Variants in CMC1 observed in about 807,000 individuals in gnomAD.
CMC1 encodes COX assembly mitochondrial protein homolog.
A neutral mutation model predicts 14.1 loss-of-function variants in CMC1; 14 were observed. The ratio of observed to expected loss-of-function variants is 0.99; its 90% CI spans 0.66 to 1.55. CMC1 has a LOEUF of 1.55. Among genes scored for constraint, CMC1 ranks in the 40% most tolerant of loss-of-function variants. CMC1 has a pLI of 0.00. For synonymous variants in CMC1, 50 were observed against 38.4 expected, an observed-to-expected ratio of 1.30 and a Z score of -1.12; for missense variants, 127 against 123.8, an observed-to-expected ratio of 1.03 and a Z score of -0.12.
intron 2 of CMC1, among the ~76,000 whole-genome samples, chr3:28,271,618 A>C (rs1700296031): frequency 6.6e-6 from 1 of 152,144 alleles, no homozygotes; most frequent in South Asian, 2.1e-4. Flanking sequence ...TACAGTTTGA[A>C]GTCAGGTAGC....
At chr3:28,255,468 A>G (rs1487503809) in intron 1 of CMC1, among the ~76,000 whole-genome samples, 3 of 149,428 alleles carry the variant, frequency 2.0e-5, no homozygotes, top group African/African-American at 7.4e-5. Flanking sequence ...CTGGTCTTGA[A>G]CTCCTGGCCT....
Position 28,324,415 on chromosome 3 carries a change from T to G in CMC1, c.*4786T>G. 1 of 1,537,798 alleles carries G rather than the reference T, an allele frequency of 6.5e-7. No homozygotes were observed. The highest frequency in any genetic ancestry group is 8.8e-7 in the Non-Finnish European group (1 of 1,141,256). On this transcript the variant is annotated 3_prime_UTR_variant, in exon 4 of 4. Transcript: ENST00000466830. ...ATTCATCAAGTGCAGTTTTGTGCTG[T>G]CTCTTCCAAGGTCTTCACTGCATCC... is the stretch of plus-strand genomic sequence containing the variant.
Position 28,319,570 on chromosome 3 carries a change from T to A in CMC1, c.262T>A (p.Phe88Ile). Residue 88 changes from phenylalanine to isoleucine, a missense_variant, in exon 4 of 4, where the codon TTC becomes ATC. Phe to Ile is a conservative substitution (Grantham distance 21, BLOSUM62 0). Transcript: ENST00000466830. ...KMEYLKEREE[F>I]RKTGIPTKKR... is the part of the protein sequence containing the mutation. ...GGAATACCTGAAGGAAAGGGAAGAA[T>A]TCAGAAAAACTGGAATTCCTACAAA... 1.2e-6 allele frequency: 2 copies of A among 1,609,454 alleles called. No individual in the cohort carries two copies. Among genetic ancestry groups the A allele is most frequent in the African/African-American group, 1.3e-5 (1 of 74,756 alleles).
intron 2 of CMC1, among the ~76,000 whole-genome samples, chr3:28,277,367 C>T (rs1700635233): frequency 6.6e-6 from 1 of 152,094 alleles, no homozygotes; most frequent in East Asian, 1.9e-4. Flanking sequence ...TTTTCTGATT[C>T]CTTTGAGCAC....
chr3:28,259,110 T>C (rs1699590883), intron 1 of CMC1, among the ~76,000 whole-genome samples: 1 of 151,766 alleles, frequency 6.6e-6, no homozygotes, highest in Non-Finnish European at 1.5e-5. Context: ...TGTGCTTCCT[T>C]GTATGTTTTT....
At chr3:28,314,826 A>AT (rs1702813065) in intron 2 of CMC1, among the ~76,000 whole-genome samples, 1 of 152,096 alleles carries the variant, frequency 6.6e-6, no homozygotes, top group Non-Finnish European at 1.5e-5. Flanking sequence ...GTTTAAAAAT[A>AT]TTTTTGTTAC....
intron 1 of CMC1, among the ~76,000 whole-genome samples, chr3:28,242,333 C>G (rs973024574): frequency 4.6e-5 from 7 of 152,208 alleles, no homozygotes; most frequent in African/African-American, 1.7e-4. Context: ...TGCTTCCAGC[C>G]ACTTCCGTTT....
intron 2 of CMC1, among the ~76,000 whole-genome samples, chr3:28,265,014 G>A (rs1341635791): frequency 6.6e-6 from 1 of 152,028 alleles, no homozygotes; most frequent in Non-Finnish European, 1.5e-5. Context: ...ATTTATTTGT[G>A]TTACAAAACT....
At chr3:28,244,952 GTT>G (rs397973045) in intron 1 of CMC1, among the ~76,000 whole-genome samples, 1 of 139,864 alleles carries the variant, frequency 7.1e-6, no homozygotes. Context: ...ATGGAAGCCA[GTT>G]TTTTTTTTTT....
At chr3:28,305,138 C>T (rs1689785558) in intron 2 of CMC1, among the ~76,000 whole-genome samples, 1 of 152,076 alleles carries the variant, frequency 6.6e-6, no homozygotes, top group African/African-American at 2.4e-5. Context: ...CTTTTTGTCC[C>T]TGCATACCCA....
rs57007112 is a variant in CMC1, at chr3:28,309,941, CCACACACACACACACA to C, written c.110-6358_110-6343del. Among the ~76,000 whole-genome samples, 735 of 132,570 alleles carry C rather than the reference CCACACACACACACACA, an allele frequency of 5.5e-3. 23 individuals are homozygous for C. The East Asian group carries it at 0.1, about 18-fold the overall frequency. The allele number at this position is 132,570 out of a possible 152,430, so 87.0% of individuals were successfully genotyped here. On this transcript the variant is annotated intron_variant, in intron 2 of 3. Coordinates refer to ENST00000466830, the MANE Select transcript of CMC1 (RefSeq NM_182523.2). ...CCTTTTCTCCTCCACCTGACGTCCACCACACACACACACACACACACACACACACACACACACACAC... is the reference window on the plus strand; with the variant it reads ...CCTTTTCTCCTCCACCTGACGTCCACCACACACACACACACACACACACAC...
chr3:28,299,704 T>G (rs1701925591), intron 2 of CMC1, among the ~76,000 whole-genome samples: 1 of 152,164 alleles, frequency 6.6e-6, no homozygotes, highest in Non-Finnish European at 1.5e-5. Context: ...TGATTAAACC[T>G]CTGCTTTTCA....
intron 1 of CMC1, among the ~76,000 whole-genome samples, chr3:28,258,106 C>T (rs1699519412): frequency 7.2e-6 from 1 of 138,034 alleles, no homozygotes; most frequent in South Asian, 2.2e-4. Flanking sequence ...TGCATATCAT[C>T]TTTTGTGATG....
chr3:28,308,913 G>A (rs2125594310), intron 2 of CMC1, among the ~76,000 whole-genome samples: 1 of 152,078 alleles, frequency 6.6e-6, no homozygotes, highest in South Asian at 2.1e-4. Context: ...AACCTGGGAG[G>A]CGGAGGTTGC....
chr3:28,254,177 A>G (rs1699275525), intron 1 of CMC1, among the ~76,000 whole-genome samples: 1 of 152,238 alleles, frequency 6.6e-6, no homozygotes, highest in Non-Finnish European at 1.5e-5. Flanking sequence ...GCAAACTTTC[A>G]AAATTTAATT....
intron 2 of CMC1, chr3:28,294,412 A>C (rs903601988): frequency 1.3e-6 from 1 of 770,402 alleles, no homozygotes; most frequent in African/African-American, 1.9e-5. Flanking sequence ...TGTGAAATAA[A>C]TTTTTCTCTT....
rs1703113002 is a variant in CMC1 at position 28,319,523 on chromosome 3, C to G, written c.215C>G (p.Ala72Gly). 1.9e-6 allele frequency: 3 copies of G among 1,600,156 alleles called. No homozygotes were observed. The highest frequency in any genetic ancestry group is 2.6e-6 in the Non-Finnish European group (3 of 1,171,344). Residue 72 changes from alanine (A) to glycine (G), a missense_variant, in exon 4 of 4, where the codon GCC (alanine) becomes GGC (glycine). Physicochemically the swap from Ala to Gly is moderately conservative, Grantham distance 60 (BLOSUM62 0). Transcript: ENST00000466830. ...ECLTAYYNDP[A>G]FYEECKMEYL... Reference sequence around the variant, plus strand: ...CCTTCTCATAGCTATAATGATCCAGCCTTTTATGAAGAATGCAAAATGGAA... The same window carrying G: ...CCTTCTCATAGCTATAATGATCCAGGCTTTTATGAAGAATGCAAAATGGAA...
intron 2 of CMC1, among the ~76,000 whole-genome samples, chr3:28,302,479 A>T (rs1477955614): frequency 1.3e-5 from 2 of 152,160 alleles, no homozygotes; most frequent in African/African-American, 4.8e-5. Context: ...GTGATCTTTT[A>T]AAAAAGATAG....
In CMC1 at chr3:28,323,323, T is replaced by C. The variant is rs1703248839; in HGVS notation, c.*3694T>C. On this transcript the variant is annotated 3_prime_UTR_variant, in exon 4 of 4. Transcript: ENST00000466830. The stretch of plus-strand genomic sequence containing the variant: ...AATAGTGTGTAGGGTTACAATCATT[T>C]GTTTACACCCCAGAGTTTTTCAACT... The C allele has an allele frequency of 6.6e-6, 1 of 151,296 alleles. No individual in the cohort carries two copies. The highest frequency in any genetic ancestry group is 6.6e-5 in the Admixed American group (1 of 15,056). The allele number at this position is 151,296 out of a possible 1,614,324, so 9.4% of individuals were successfully genotyped here. A position where few individuals can be genotyped will look rare whatever the true frequency, so the allele number is the denominator to read the frequency against.
Sources: allele counts gnomAD v4.1 joint callset (sites outside exome capture counted in the v4.1 genomes callset), GRCh38; gene constraint gnomAD v4.1.1; transcripts MANE v1.5; gene names NCBI Gene and HGNC (gene_info 2026-07-23, HGNC 2026-07-21).